The following KCNIP4 variants were observed in gnomAD, a reference collection of about 807,000 sequenced individuals.
The protein encoded by KCNIP4 is Kv channel-interacting protein 4.
KCNIP4 carries 12 observed loss-of-function variants against 34.0 expected under a neutral mutation model. The ratio of observed to expected loss-of-function variants is 0.35; its 90% CI spans 0.23 to 0.57. The LOEUF (loss-of-function observed/expected upper bound fraction) is 0.57, where lower values mean the gene tolerates loss of function less well. Ranked by LOEUF, KCNIP4 falls within the 20% of genes least tolerant of loss-of-function variation. The pLI is 0.83. For missense variants in KCNIP4, 238 were observed against 311.7 expected (o/e 0.76, Z 1.78); for synonymous variants, 124 against 102.2 (o/e 1.21, Z -1.29).
At chr4:21,375,943 G>A (rs866373331) in intron 1 of KCNIP4, among the ~76,000 whole-genome samples, 1 of 152,150 alleles carries the variant, frequency 6.6e-6, no homozygotes, top group Non-Finnish European at 1.5e-5. Context: ...TTTCAAGGCA[G>A]AGTCTCCCTC....
chr4:20,921,417 G>T (rs1729380277), intron 1 of KCNIP4, among the ~76,000 whole-genome samples: 1 of 152,158 alleles, frequency 6.6e-6, no homozygotes, highest in South Asian at 2.1e-4. Flanking sequence ...TTTCTGGTTA[G>T]AGCCATACAA....
intron 1 of KCNIP4, among the ~76,000 whole-genome samples, chr4:21,406,971 A>T (rs923142514): frequency 6.6e-6 from 1 of 152,188 alleles, no homozygotes; most frequent in East Asian, 1.9e-4. Flanking sequence ...AAAAACTTTG[A>T]TAACACTTGG....
intron 1 of KCNIP4, among the ~76,000 whole-genome samples, chr4:20,914,342 G>T (rs1320912971): frequency 6.6e-6 from 1 of 152,072 alleles, no homozygotes; most frequent in Admixed American, 6.5e-5. Context: ...TTTGGTAGGT[G>T]ATTAGGTCAT....
chr4:21,903,802 C>T (rs1727838667), intron 1 of KCNIP4, among the ~76,000 whole-genome samples: 1 of 152,024 alleles, frequency 6.6e-6, no homozygotes, highest in Non-Finnish European at 1.5e-5. Context: ...TAATATAAAT[C>T]CCATATCACC....
At chr4:21,727,523 C>A (rs1225727237) in intron 1 of KCNIP4, among the ~76,000 whole-genome samples, 2 of 151,962 alleles carry the variant, frequency 1.3e-5, no homozygotes, top group Non-Finnish European at 2.9e-5. Context: ...AAGACAATAC[C>A]CTACATTTAA....
intron 3 of KCNIP4, among the ~76,000 whole-genome samples, chr4:20,824,134 A>G (rs1219320169): frequency 6.6e-6 from 1 of 152,194 alleles, no homozygotes; most frequent in African/African-American, 2.4e-5. Context: ...ATATTACCGT[A>G]CAGTTATGCA....
intron 1 of KCNIP4, among the ~76,000 whole-genome samples, chr4:21,455,021 C>T (rs1029919199): frequency 9.2e-5 from 14 of 152,132 alleles, no homozygotes; most frequent in Admixed American, 8.5e-4. Context: ...CCCTCAGTCC[C>T]AGGCAAACAA....
At chr4:20,788,516 A>G (rs1712304151) in intron 3 of KCNIP4, among the ~76,000 whole-genome samples, 1 of 152,154 alleles carries the variant, frequency 6.6e-6, no homozygotes, top group African/African-American at 2.4e-5. Flanking sequence ...TAGCTCAGAG[A>G]AAACAGAAAA....
At chr4:21,050,071 A>T (rs574263406) in intron 1 of KCNIP4, among the ~76,000 whole-genome samples, 2 of 152,356 alleles carry the variant, frequency 1.3e-5, no homozygotes, top group South Asian at 4.1e-4. Flanking sequence ...AAGGGCAGGC[A>T]GCTTGAGTCC....
chr4:20,740,525 G>A (rs1750808360), intron 5 of KCNIP4, among the ~76,000 whole-genome samples: 2 of 152,160 alleles, frequency 1.3e-5, no homozygotes. Context: ...AGCAAATGCT[G>A]AGAGATTTTG....
intron 1 of KCNIP4, among the ~76,000 whole-genome samples, chr4:21,409,515 TA>T (rs993276766): frequency 4.6e-4 from 69 of 151,642 alleles, no homozygotes; most frequent in African/African-American, 1.6e-3. Context: ...TTAAAATAGG[TA>T]AAAAAAATAC....
intron 1 of KCNIP4, among the ~76,000 whole-genome samples, chr4:21,056,393 A>T (rs1379344613): frequency 6.6e-6 from 1 of 152,144 alleles, no homozygotes; most frequent in Non-Finnish European, 1.5e-5. Flanking sequence ...TCCATGATGA[A>T]TCATTTTTTC....
chr4:21,489,154 G>A lies in KCNIP4; in HGVS notation c.61+459417C>T, dbSNP rs114048927. Among the ~76,000 whole-genome samples, 1,073 of 152,194 alleles carry A rather than the reference G, an allele frequency of 7.1e-3. 13 individuals are homozygous for A. The highest frequency in any genetic ancestry group is 0.025 in the African/African-American group (1,021 of 41,536). ...TATTTGCATATGTTTGTGAGCTAGA[G>A]TGAGGTCTAGAGGATCAAGGACTGT... On this transcript the variant is annotated intron_variant, in intron 1 of 8. Transcript: ENST00000382152.
At chr4:21,261,732 A>G (rs547308868) in intron 1 of KCNIP4, among the ~76,000 whole-genome samples, 1 of 152,266 alleles carries the variant, frequency 6.6e-6, no homozygotes, top group African/African-American at 2.4e-5. Context: ...CTACGTCTAC[A>G]ATACAAGCTA....
chr4:21,409,281 A>G (rs565388718), intron 1 of KCNIP4, among the ~76,000 whole-genome samples: 10 of 151,944 alleles, frequency 6.6e-5, no homozygotes, highest in Middle Eastern at 3.4e-3. Flanking sequence ...TAATTAAAAA[A>G]AAAAAACTTC....
At chr4:21,904,593 T>C (rs528417770) in intron 1 of KCNIP4, among the ~76,000 whole-genome samples, 1 of 152,242 alleles carries the variant, frequency 6.6e-6, no homozygotes, top group Non-Finnish European at 1.5e-5. Context: ...AGTGGAGTCA[T>C]CCTGAATTAT....
chr4:21,607,130 G>GA (rs1743762634), intron 1 of KCNIP4, among the ~76,000 whole-genome samples: 1 of 151,884 alleles, frequency 6.6e-6, no homozygotes. Flanking sequence ...CAACAGCTGT[G>GA]AAAAACATGG....
chr4:20,738,181 G>A (rs1247003645), intron 5 of KCNIP4, among the ~76,000 whole-genome samples: 1 of 151,846 alleles, frequency 6.6e-6, no homozygotes, highest in Non-Finnish European at 1.5e-5. Context: ...AATATACATT[G>A]CAGAACATAG....
intron 1 of KCNIP4, among the ~76,000 whole-genome samples, chr4:21,347,553 A>C (rs1390772084): frequency 6.6e-6 from 1 of 152,204 alleles, no homozygotes; most frequent in Non-Finnish European, 1.5e-5. Flanking sequence ...ACAGGAAATC[A>C]ATCTGAGAGC....
Sources: gnomAD v4.1 joint callset for allele counts (sites outside exome capture counted in the v4.1 genomes callset) on GRCh38, gnomAD v4.1.1 for gene constraint, MANE v1.5 for transcripts, NCBI Gene and HGNC (gene_info 2026-07-23, HGNC 2026-07-21) for gene names.